THSD7B: variants seen among roughly 807,000 people sequenced by gnomAD.
THSD7B encodes thrombospondin type 1 domain containing 7B.
A neutral mutation model predicts 213.6 loss-of-function variants in THSD7B; 138 were observed. The observed-to-expected ratio is 0.65, with a 90% CI of 0.56 to 0.74. The LOEUF is 0.74. THSD7B is among the 30% of genes least tolerant of loss of function. THSD7B has a pLI of 0.00. For synonymous variants in THSD7B, 742 were observed against 687.0 expected (o/e 1.08, Z -1.25); for missense variants, 1,931 against 1,991.5 (o/e 0.97, Z 0.58).
intron 2 of THSD7B, among the ~76,000 whole-genome samples, chr2:136,883,202 C>A (rs535446792): frequency 7.9e-5 from 12 of 152,044 alleles, no homozygotes; most frequent in African/African-American, 2.9e-4. Context: ...AAAGAATTTT[C>A]ATTTTGGCCC....
intron 1 of THSD7B, among the ~76,000 whole-genome samples, chr2:136,838,012 C>T (rs1682869833): frequency 6.6e-6 from 1 of 152,200 alleles, no homozygotes; most frequent in African/African-American, 2.4e-5. Flanking sequence ...CTCTTGACCT[C>T]ATTTTCCTAT....
chr2:136,954,190 G>A (rs1390247420), intron 2 of THSD7B, among the ~76,000 whole-genome samples: 1 of 152,172 alleles, frequency 6.6e-6, no homozygotes, highest in Non-Finnish European at 1.5e-5. Context: ...GACCAAAAGA[G>A]AAAAATGAAC....
intron 7 of THSD7B, among the ~76,000 whole-genome samples, chr2:137,194,340 A>G (rs983405304): frequency 6.6e-6 from 1 of 152,176 alleles, no homozygotes; most frequent in Non-Finnish European, 1.5e-5. Flanking sequence ...CACAAGGGAA[A>G]AAGAGACTTC....
chr2:137,336,318 T>C (rs1453358389), intron 12 of THSD7B, among the ~76,000 whole-genome samples: 1 of 152,200 alleles, frequency 6.6e-6, no homozygotes. Flanking sequence ...TATTATCTTC[T>C]GAAACTGAAT....
intron 16 of THSD7B, among the ~76,000 whole-genome samples, chr2:137,572,155 T>C (rs1681366879): frequency 6.6e-6 from 1 of 152,208 alleles, no homozygotes; most frequent in African/African-American, 2.4e-5. Context: ...CCATTGCCTT[T>C]AGTCCAAGGT....
chr2:137,086,193 T>G (rs1327176097), intron 3 of THSD7B, among the ~76,000 whole-genome samples: 1 of 151,918 alleles, frequency 6.6e-6, no homozygotes, highest in Non-Finnish European at 1.5e-5. Flanking sequence ...AAAAATTAGC[T>G]GGGCGTGATG....
At chr2:137,423,719 T>C (rs1404000442) in intron 14 of THSD7B, among the ~76,000 whole-genome samples, 1 of 152,122 alleles carries the variant, frequency 6.6e-6, no homozygotes, top group African/African-American at 2.4e-5. Context: ...TTAAGAATTG[T>C]TATCTTAAAA....
intron 25 of THSD7B, among the ~76,000 whole-genome samples, chr2:137,660,121 ATGATTACTGTTGAG>A (rs1326748015): frequency 2.0e-5 from 3 of 152,186 alleles, no homozygotes; most frequent in African/African-American, 7.2e-5. Flanking sequence ...GTATTACACT[ATGATTACTGTTGAG>A]TGAGTACATT....
chr2:137,367,865 G>T (rs1197705210), intron 12 of THSD7B, among the ~76,000 whole-genome samples: 1 of 152,078 alleles, frequency 6.6e-6, no homozygotes, highest in African/African-American at 2.4e-5. Flanking sequence ...CCATCATGAC[G>T]TTCCCACCCT....
intron 3 of THSD7B, among the ~76,000 whole-genome samples, chr2:137,062,226 CT>C (rs995544736): frequency 3.3e-5 from 5 of 151,358 alleles, no homozygotes; most frequent in African/African-American, 9.7e-5. Flanking sequence ...TGTATCCTCT[CT>C]TTTTTTTCCT....
intron 17 of THSD7B, among the ~76,000 whole-genome samples, chr2:137,613,902 A>T (rs915815757): frequency 1.3e-5 from 2 of 152,180 alleles, no homozygotes; most frequent in African/African-American, 4.8e-5. Context: ...AAGGATAAAA[A>T]CACTAACATT....
intron 15 of THSD7B, among the ~76,000 whole-genome samples, chr2:137,483,533 G>A (rs1688353979): frequency 6.6e-6 from 1 of 152,282 alleles, no homozygotes; most frequent in South Asian, 2.1e-4. Context: ...TACCCTGAAG[G>A]CACTTACACA....
intron 25 of THSD7B, among the ~76,000 whole-genome samples, chr2:137,662,597 G>A (rs898721430): frequency 2.6e-5 from 4 of 152,110 alleles, no homozygotes; most frequent in African/African-American, 4.8e-5. Context: ...GGATTTCGCG[G>A]CTGTGATAGC....
At chr2:137,156,265 G>A (rs1679907274) in intron 5 of THSD7B, 1 of 152,164 alleles carries the variant, frequency 6.6e-6, no homozygotes, top group African/African-American at 2.4e-5. Context: ...GTGGGTCTGT[G>A]ATAGAGACAG....
chr2:137,016,497 G>A (rs1323012335), intron 2 of THSD7B, among the ~76,000 whole-genome samples: 3 of 152,170 alleles, frequency 2.0e-5, no homozygotes, highest in African/African-American at 7.2e-5. Flanking sequence ...CCATCTTACT[G>A]TGAAACCTAC....
chr2:137,589,309 T>A (rs553766908), intron 17 of THSD7B, among the ~76,000 whole-genome samples: 5 of 152,324 alleles, frequency 3.3e-5, no homozygotes, highest in African/African-American at 1.2e-4. Context: ...ATTAATGTAA[T>A]GTATTTTCTC....
At chr2:136,960,671 A>G (rs1371830348) in intron 2 of THSD7B, among the ~76,000 whole-genome samples, 1 of 152,160 alleles carries the variant, frequency 6.6e-6, no homozygotes, top group Non-Finnish European at 1.5e-5. Flanking sequence ...ATCCAACAAG[A>G]TTCCCTTCTC....
chr2:137,524,000 A>G (rs1263724097), intron 15 of THSD7B, among the ~76,000 whole-genome samples: 1 of 152,186 alleles, frequency 6.6e-6, no homozygotes. Flanking sequence ...TTCCATTAAA[A>G]TACAAATCAA....
intron 15 of THSD7B, among the ~76,000 whole-genome samples, chr2:137,493,841 G>C (rs1573659892): frequency 6.6e-6 from 1 of 152,114 alleles, no homozygotes; most frequent in Non-Finnish European, 1.5e-5. Context: ...AAGGGGAAAC[G>C]TACCTAGCCC....
Sources: allele counts gnomAD v4.1 joint callset (sites outside exome capture counted in the v4.1 genomes callset), GRCh38; gene constraint gnomAD v4.1.1; transcripts MANE v1.5; gene names NCBI Gene and HGNC (gene_info 2026-07-23, HGNC 2026-07-21).